The following BMPR1B variants were observed in gnomAD, a reference collection of about 807,000 sequenced individuals.
BMPR1B encodes bone morphogenetic protein receptor type-1B.
A neutral mutation model predicts 59.1 loss-of-function variants in BMPR1B; 12 were observed. That is an observed-to-expected ratio of 0.20 (90% CI 0.13 to 0.33). BMPR1B has a LOEUF of 0.33. Ranked by LOEUF, BMPR1B falls within the 10% of genes least tolerant of loss-of-function variation. The pLI is 1.00. For synonymous variants in BMPR1B, 237 were observed against 207.3 expected (o/e 1.14, Z -1.23); for missense variants, 550 against 610.9 (o/e 0.90, Z 1.05).
At chr4:94,914,233 C>G (rs1728395322) in intron 2 of BMPR1B, among the ~76,000 whole-genome samples, 1 of 152,010 alleles carries the variant, frequency 6.6e-6, no homozygotes, top group African/African-American at 2.4e-5. Context: ...AAGATGCCTT[C>G]TAGATTTCTT....
At chr4:94,883,521 GTTGT>G (rs1727059263) in intron 2 of BMPR1B, among the ~76,000 whole-genome samples, 1 of 151,704 alleles carries the variant, frequency 6.6e-6, no homozygotes, top group Non-Finnish European at 1.5e-5. Flanking sequence ...AATATTTGAG[GTTGT>G]TTATGTAAAA....
chr4:94,933,613 T>A (rs995132313), intron 2 of BMPR1B, among the ~76,000 whole-genome samples: 1 of 152,114 alleles, frequency 6.6e-6, no homozygotes, highest in African/African-American at 2.4e-5. Context: ...GGCCTGGTGT[T>A]TAACATCACT....
intron 1 of BMPR1B, among the ~76,000 whole-genome samples, chr4:94,841,184 T>C (rs1310480147): frequency 6.7e-5 from 10 of 149,724 alleles, no homozygotes; most frequent in Non-Finnish European, 1.3e-4. Context: ...GACAGGGACA[T>C]TTAAGTCTGC....
intron 10 of BMPR1B, among the ~76,000 whole-genome samples, chr4:95,140,832 C>T (rs1253952880): frequency 6.6e-6 from 1 of 151,844 alleles, no homozygotes; most frequent in Non-Finnish European, 1.5e-5. Context: ...CCTTTATAGA[C>T]CTTAAAACAA....
intron 1 of BMPR1B, among the ~76,000 whole-genome samples, chr4:94,801,735 G>GT (rs1321521874): frequency 1.3e-5 from 2 of 151,998 alleles, no homozygotes; most frequent in African/African-American, 2.4e-5. Context: ...CTTAAACTAA[G>GT]TTTTTTTGCA....
intron 1 of BMPR1B, among the ~76,000 whole-genome samples, chr4:94,825,039 G>A (rs1166856290): frequency 1.3e-5 from 2 of 152,284 alleles, no homozygotes; most frequent in Non-Finnish European, 1.5e-5. Context: ...TTAAGTGGAT[G>A]TTCATGTAGT....
chr4:94,874,153 A>ATG (rs780882102), intron 1 of BMPR1B, among the ~76,000 whole-genome samples: 16 of 152,058 alleles, frequency 1.1e-4, no homozygotes, highest in African/African-American at 1.9e-4. Flanking sequence ...ATATATGTGT[A>ATG]TGTGTGTGTA....
At chr4:95,081,510 T>A (rs1729136475) in intron 3 of BMPR1B, among the ~76,000 whole-genome samples, 1 of 152,192 alleles carries the variant, frequency 6.6e-6, no homozygotes, top group Admixed American at 6.5e-5. Flanking sequence ...TTGTGAAGCT[T>A]TTATCCACAT....
chr4:94,817,292 C>CT (rs1308600120), intron 1 of BMPR1B, among the ~76,000 whole-genome samples: 7 of 152,146 alleles, frequency 4.6e-5, no homozygotes, highest in Non-Finnish European at 1.0e-4. Context: ...CCATAAAGTC[C>CT]TTTGAGAATT....
At chr4:94,850,383 G>C (rs1725519946) in intron 1 of BMPR1B, among the ~76,000 whole-genome samples, 1 of 152,190 alleles carries the variant, frequency 6.6e-6, no homozygotes, top group African/African-American at 2.4e-5. Context: ...TTTATGATGT[G>C]TTAAACAAAC....
intron 1 of BMPR1B, among the ~76,000 whole-genome samples, chr4:94,837,228 A>T (rs1205246662): frequency 6.8e-6 from 1 of 147,864 alleles, no homozygotes; most frequent in Non-Finnish European, 1.5e-5. Context: ...CTTAGGATTG[A>T]CTTGGCGATG....
At chr4:94,786,611 T>C (rs1416991881) in intron 1 of BMPR1B, among the ~76,000 whole-genome samples, 2 of 152,198 alleles carry the variant, frequency 1.3e-5, no homozygotes, top group African/African-American at 4.8e-5. Context: ...CGATCTCAGC[T>C]CACTGCAAGC....
intron 1 of BMPR1B, among the ~76,000 whole-genome samples, chr4:94,759,972 A>G (rs897167467): frequency 6.6e-6 from 1 of 152,214 alleles, no homozygotes; most frequent in Admixed American, 6.5e-5. Flanking sequence ...TAGAGCTACA[A>G]AACTTGATAC....
intron 1 of BMPR1B, among the ~76,000 whole-genome samples, chr4:94,784,395 A>T: frequency 6.6e-6 from 1 of 152,202 alleles, no homozygotes; most frequent in Non-Finnish European, 1.5e-5. Context: ...ATCTGAACTT[A>T]CAAGATTACT....
intron 2 of BMPR1B, among the ~76,000 whole-genome samples, chr4:94,951,478 A>T (rs998495884): frequency 6.6e-5 from 10 of 152,160 alleles, no homozygotes; most frequent in African/African-American, 2.2e-4. Flanking sequence ...TGTTTTTAGC[A>T]TGAAGCGCTG....
At chr4:95,133,255 C>A (rs908463600) in intron 10 of BMPR1B, among the ~76,000 whole-genome samples, 7 of 152,182 alleles carry the variant, frequency 4.6e-5, no homozygotes, top group African/African-American at 1.7e-4. Context: ...GTCTTCTGTA[C>A]ATGCTGCCAC....
intron 2 of BMPR1B, among the ~76,000 whole-genome samples, chr4:94,962,074 TC>T (rs1730382352): frequency 8.1e-3 from 262 of 32,306 alleles, no homozygotes; most frequent in African/African-American, 0.017. Context: ...TTCTTTTCTT[TC>T]CTTCCTTCCT....
At chr4:94,958,524 C>G (rs1162026167) in intron 2 of BMPR1B, among the ~76,000 whole-genome samples, 2 of 152,138 alleles carry the variant, frequency 1.3e-5, no homozygotes, top group East Asian at 3.9e-4. Context: ...AGTGTCATCT[C>G]TCTGGTGTCT....
intron 2 of BMPR1B, among the ~76,000 whole-genome samples, chr4:94,990,184 C>T (rs138211739): frequency 0.022 from 3,281 of 152,148 alleles, 51 homozygotes; most frequent in South Asian, 0.039. Flanking sequence ...GGTGAAACCT[C>T]ATCTCTACTA....
Sources: allele counts gnomAD v4.1 joint callset (sites outside exome capture counted in the v4.1 genomes callset), GRCh38; gene constraint gnomAD v4.1.1; transcripts MANE v1.5; gene names NCBI Gene and HGNC (gene_info 2026-07-23, HGNC 2026-07-21).